Variants in PCLO observed in about 807,000 individuals in gnomAD.
PCLO encodes the protein piccolo presynaptic cytomatrix protein.
In PCLO, 82 loss-of-function variants were observed where a neutral mutation model predicts 427.5. That is an observed-to-expected ratio of 0.19 (90% CI 0.16 to 0.23). The LOEUF is 0.23. PCLO is among the 10% of genes least tolerant of loss of function. The pLI, the probability that PCLO is intolerant of heterozygous loss-of-function variation, is 1.00. For missense variants in PCLO, 6,239 were observed against 6,115.9 expected, an observed-to-expected ratio of 1.02 and a Z score of -0.67; for synonymous variants, 2,357 against 2,155.4, an observed-to-expected ratio of 1.09 and a Z score of -2.59.
At chr7:82,969,187 C>T (rs1795848503) in intron 3 of PCLO, among the ~76,000 whole-genome samples, 1 of 152,080 alleles carries the variant, frequency 6.6e-6, no homozygotes, top group African/African-American at 2.4e-5. Context: ...GTAGTATACT[C>T]ATTATTTTCC....
intron 3 of PCLO, among the ~76,000 whole-genome samples, chr7:82,992,741 C>A (rs993299676): frequency 3.3e-5 from 5 of 151,752 alleles, no homozygotes; most frequent in Non-Finnish European, 7.4e-5. Flanking sequence ...TACATGTATC[C>A]CAGAAGTTAA....
intron 1 of PCLO, among the ~76,000 whole-genome samples, 189 bp downstream of exon 1, chr7:83,162,156 C>T (rs1474672085): frequency 7.2e-5 from 11 of 152,222 alleles, no homozygotes; most frequent in Non-Finnish European, 1.5e-5. Context: ...CCACCAGAAA[C>T]TCTACAATGC....
intron 3 of PCLO, among the ~76,000 whole-genome samples, chr7:82,981,299 G>A (rs1252768502): frequency 6.6e-6 from 1 of 151,536 alleles, no homozygotes; most frequent in African/African-American, 2.4e-5. Context: ...GCCAGAGTTA[G>A]AGGTAGAATT....
intron 3 of PCLO, among the ~76,000 whole-genome samples, chr7:82,974,156 G>A (rs1426539975): frequency 6.6e-6 from 1 of 152,098 alleles, no homozygotes; most frequent in Non-Finnish European, 1.5e-5. Flanking sequence ...GGAGACCGAG[G>A]TGGGTAGATC....
Position 83,135,236 on chromosome 7 carries a change from C to T in PCLO, c.2314G>A (p.Ala772Thr), listed in dbSNP as rs2116618142. ...PTTDLVSSSS[A>T]TTKPDIPSSK... ...CTTGGAATATCAGGTTTTGTTGTTGCTGATGATGAAGATACAAGGTCAGTG... is the reference window on the plus strand; with the variant it reads ...CTTGGAATATCAGGTTTTGTTGTTGTTGATGATGAAGATACAAGGTCAGTG... The change falls in exon 3 of 25, where the codon GCA becomes ACA. Residue 772 changes from alanine (A) to threonine (T), a missense_variant. By Grantham distance (58) the Ala-to-Thr change is moderately conservative. Transcript: ENST00000333891. 3 of 1,613,888 alleles carry T rather than the reference C, an allele frequency of 1.9e-6. No individual in the cohort carries two copies. Among genetic ancestry groups the T allele is most frequent in the Non-Finnish European group, 2.5e-6 (3 of 1,179,882 alleles).
intron 3 of PCLO, among the ~76,000 whole-genome samples, chr7:83,109,789 A>G (rs186540616): frequency 4.6e-5 from 7 of 152,242 alleles, no homozygotes; most frequent in Admixed American, 3.3e-4. Context: ...GCCCTTATAA[A>G]TTTGTACACT....
chr7:82,788,661 A>G (rs1791034972), intron 22 of PCLO, among the ~76,000 whole-genome samples: 1 of 152,106 alleles, frequency 6.6e-6, no homozygotes, highest in Non-Finnish European at 1.5e-5. Context: ...TGTTTTAATT[A>G]AAAACGTCAA....
intron 3 of PCLO, among the ~76,000 whole-genome samples, chr7:83,026,211 T>G (rs1471905488): frequency 2.0e-5 from 3 of 152,048 alleles, no homozygotes; most frequent in Non-Finnish European, 4.4e-5. Flanking sequence ...AGGAAACCCA[T>G]CTCACGTGCA....
At chr7:82,946,770 A>C (rs753809599) in intron 6 of PCLO, among the ~76,000 whole-genome samples, 7 of 152,158 alleles carry the variant, frequency 4.6e-5, no homozygotes, top group Non-Finnish European at 8.8e-5. Flanking sequence ...ATATATTTTG[A>C]ATTTGATGAG....
intron 22 of PCLO, among the ~76,000 whole-genome samples, chr7:82,778,672 T>C (rs1385564648): frequency 2.0e-5 from 3 of 152,142 alleles, no homozygotes; most frequent in Non-Finnish European, 2.9e-5. Flanking sequence ...TTTGTTGCTT[T>C]TTACAATGTG....
At chr7:82,879,032 CATT>C (rs1793437781) in intron 10 of PCLO, among the ~76,000 whole-genome samples, 2 of 152,082 alleles carry the variant, frequency 1.3e-5, no homozygotes, top group Non-Finnish European at 2.9e-5. Flanking sequence ...GTTTGTGAAA[CATT>C]ATCACAGATA....
intron 3 of PCLO, among the ~76,000 whole-genome samples, chr7:83,039,206 A>C (rs1788908587): frequency 6.6e-6 from 1 of 151,948 alleles, no homozygotes; most frequent in Admixed American, 6.6e-5. Flanking sequence ...TGAATCATTT[A>C]AGTTTTTAAT....
chr7:83,133,012 T>C (rs73391743), intron 3 of PCLO, among the ~76,000 whole-genome samples: 3,782 of 152,138 alleles, frequency 0.025, 151 homozygotes, highest in African/African-American at 0.087. Context: ...TATGTCCCTT[T>C]AAGATGACTC....
rs546195409 is a variant in PCLO, at chr7:82,812,515, T to A, written c.14792-6686A>T. Among the ~76,000 whole-genome samples the A allele has an allele frequency of 3.3e-5, 5 of 151,672 alleles. No individual in the cohort carries two copies. In the East Asian group the frequency reaches 7.7e-4, roughly 23 times the overall value. On this transcript the variant is annotated intron_variant, in intron 20 of 24. Transcript: ENST00000333891. ...ATAGTTTAAGTGAGAATTAAAATTGTATAGTAAATAATGAAAGAAAGTTTG... is the reference window on the plus strand; with the variant it reads ...ATAGTTTAAGTGAGAATTAAAATTGAATAGTAAATAATGAAAGAAAGTTTG...
rs76520860 is a variant in PCLO at position 82,933,815 on chromosome 7, A to C, written c.11112+15661T>G. Among the ~76,000 whole-genome samples, 1,185 of 152,104 alleles carry C rather than the reference A, an allele frequency of 7.8e-3. 17 individuals are homozygous for C. The highest frequency in any genetic ancestry group is 0.026 in the African/African-American group (1,083 of 41,544). ...TTTCTATGATTCTTCTGTCTTTACAAGTGAATTTTCCCTCATAAAGGCTGA... is the reference window on the plus strand; with the variant it reads ...TTTCTATGATTCTTCTGTCTTTACACGTGAATTTTCCCTCATAAAGGCTGA... On this transcript the variant is annotated intron_variant, in intron 6 of 24. Transcript: ENST00000333891.
Position 83,120,402 on chromosome 7 carries a change from GA to G in PCLO, c.3300+13847del, listed in dbSNP as rs35143407. Among the ~76,000 whole-genome samples the G allele has an allele frequency of 4.7e-3, 379 of 80,780 alleles. 1 individual carries two copies. The highest frequency in any genetic ancestry group is 6.8e-3 in the Admixed American group (42 of 6,182). 53.0% of individuals were successfully genotyped at this position (80,780 alleles called of 152,430 possible). The stretch of plus-strand genomic sequence containing the variant: ...GGTGTTGGAGTGAGACTCTGCCTCA[GA>G]AAAAAAAAAAAAAAAAAAGTTTATT... On this transcript the variant is annotated intron_variant, in intron 3 of 24. Coordinates refer to ENST00000333891, the MANE Select transcript of PCLO (RefSeq NM_033026.6).
chr7:83,081,625 T>G (rs1445015871), intron 3 of PCLO, among the ~76,000 whole-genome samples: 3 of 151,894 alleles, frequency 2.0e-5, no homozygotes, highest in Non-Finnish European at 4.4e-5. Flanking sequence ...TGAAGTTAAC[T>G]TAGATTGCTA....
intron 6 of PCLO, among the ~76,000 whole-genome samples, chr7:82,949,147 C>T (rs1172455436): frequency 6.6e-6 from 1 of 151,970 alleles, no homozygotes; most frequent in African/African-American, 2.4e-5. Context: ...TGGGAGATTT[C>T]GATATAAGAA....
At chr7:82,876,071 T>G (rs1793361922) in intron 10 of PCLO, among the ~76,000 whole-genome samples, 1 of 152,016 alleles carries the variant, frequency 6.6e-6, no homozygotes. Flanking sequence ...AAGATATATA[T>G]CAAAGAGATG....
Sources: gnomAD v4.1 joint callset for allele counts (sites outside exome capture counted in the v4.1 genomes callset) on GRCh38, gnomAD v4.1.1 for gene constraint, MANE v1.5 for transcripts, NCBI Gene and HGNC (gene_info 2026-07-23, HGNC 2026-07-21) for gene names.